The following TENM2 variants were observed in gnomAD, a reference collection of about 807,000 sequenced individuals.
TENM2 encodes teneurin transmembrane protein 2.
TENM2 carries 52 observed loss-of-function variants against 245.2 expected under a neutral mutation model. That is an observed-to-expected ratio of 0.21 (90% CI 0.17 to 0.27). The LOEUF (loss-of-function observed/expected upper bound fraction) is 0.27. Ranked by LOEUF, TENM2 falls within the 10% of genes least tolerant of loss-of-function variation. The pLI is 1.00. For synonymous variants in TENM2, 1,363 were observed against 1,438.9 expected (o/e 0.95, Z 1.19); for missense variants, 3,046 against 3,666.8 (o/e 0.83, Z 4.37).
intron 2 of TENM2, among the ~76,000 whole-genome samples, chr5:167,419,096 T>G (rs1763335096): frequency 6.7e-6 from 1 of 149,722 alleles, no homozygotes; most frequent in Admixed American, 6.7e-5. Context: ...ACTATATGTA[T>G]ATACACACAC....
At chr5:167,242,592 TGAAGA>T in the TENM2 span, among the ~76,000 whole-genome samples, 1 of 152,186 alleles carries the variant, frequency 6.6e-6, no homozygotes, top group Admixed American at 6.5e-5. Flanking sequence ...ATGATGAGGA[TGAAGA>T]CCTTTATGAT....
chr5:167,945,333 A>G (rs1247127431), intron 3 of TENM2, among the ~76,000 whole-genome samples: 1 of 152,176 alleles, frequency 6.6e-6, no homozygotes, highest in Non-Finnish European at 1.5e-5. Flanking sequence ...GGGGGGGCAC[A>G]GATACGTTAC....
At chr5:167,764,488 G>A (rs79213262) in intron 2 of TENM2, among the ~76,000 whole-genome samples, 7,548 of 152,238 alleles carry the variant, frequency 0.05, 627 homozygotes, top group African/African-American at 0.17. Context: ...TTCTCAAGAA[G>A]GAGACCTCTA....
At chr5:167,607,301 A>T (rs544106765) in intron 2 of TENM2, among the ~76,000 whole-genome samples, 1 of 152,294 alleles carries the variant, frequency 6.6e-6, no homozygotes, top group South Asian at 2.1e-4. Flanking sequence ...GCAGCTGTTT[A>T]CACTCATCCC....
chr5:167,375,615 G>C (rs1368001608), intron 2 of TENM2, 142 bp downstream of exon 4: 4 of 859,518 alleles, frequency 4.7e-6, no homozygotes, highest in Non-Finnish European at 7.1e-6. Flanking sequence ...GTGTGAGCTG[G>C]GGGGAAGTAA....
At chr5:167,926,758 AC>A (rs1777800043) in intron 3 of TENM2, among the ~76,000 whole-genome samples, 3 of 148,384 alleles carry the variant, frequency 2.0e-5, no homozygotes, top group African/African-American at 5.2e-5. Flanking sequence ...ACACACACAC[AC>A]ACACAAGACC....
At chr5:167,658,345 G>A (rs868650034) in intron 2 of TENM2, among the ~76,000 whole-genome samples, 19 of 151,892 alleles carry the variant, frequency 1.3e-4, no homozygotes, top group African/African-American at 2.7e-4. Flanking sequence ...AGTAGCTGGC[G>A]TTACAGGCAT....
intron 2 of TENM2, among the ~76,000 whole-genome samples, chr5:167,420,418 A>C (rs1763433965): frequency 6.6e-6 from 1 of 152,082 alleles, no homozygotes; most frequent in Admixed American, 6.6e-5. Context: ...AGTGGAGTGG[A>C]GTGGGCTTTA....
chr5:167,069,852 G>T, the TENM2 span, among the ~76,000 whole-genome samples: 433 of 121,744 alleles, frequency 3.6e-3, no homozygotes, highest in African/African-American at 0.014. Context: ...AGAAAATTTG[G>T]CATGTAAACT....
At chr5:168,215,233 G>A in exon 21 of TENM2, 1 of 1,613,920 alleles carries the variant, frequency 6.2e-7, no homozygotes, top group Non-Finnish European at 8.5e-7. Context: ...CTGCGGGGAT[G>A]GAGGGAAGGC....
At chr5:168,257,634 T>G (rs901815675) in intron 27 of TENM2, among the ~76,000 whole-genome samples, 4 of 137,528 alleles carry the variant, frequency 2.9e-5, no homozygotes, top group South Asian at 2.4e-4. Context: ...TTTTTTTTTT[T>G]GTGACGGAGT....
At chr5:167,255,249 T>C in the TENM2 span, among the ~76,000 whole-genome samples, 1 of 152,124 alleles carries the variant, frequency 6.6e-6, no homozygotes, top group South Asian at 2.1e-4. Flanking sequence ...TTGTGAACTC[T>C]TGAATGGCAA....
At chr5:167,032,525 G>T in the TENM2 span, among the ~76,000 whole-genome samples, 1 of 152,158 alleles carries the variant, frequency 6.6e-6, no homozygotes, top group Non-Finnish European at 1.5e-5. Flanking sequence ...AAGTCAGCTC[G>T]GAAGGTCACT....
intron 25 of TENM2, among the ~76,000 whole-genome samples, chr5:168,230,340 A>G (rs1764739809): frequency 6.6e-6 from 1 of 152,254 alleles, no homozygotes; most frequent in South Asian, 2.1e-4. Flanking sequence ...TAATTTGAAA[A>G]TGAGGGAGAA....
intron 2 of TENM2, among the ~76,000 whole-genome samples, chr5:167,499,063 C>T (rs1322469979): frequency 6.6e-6 from 1 of 152,144 alleles, no homozygotes; most frequent in Non-Finnish European, 1.5e-5. Context: ...CTTGCACTCT[C>T]TTCCTTCCCT....
At chr5:168,223,684 C>G (rs1227814129) in intron 23 of TENM2, among the ~76,000 whole-genome samples, 4 of 152,028 alleles carry the variant, frequency 2.6e-5, no homozygotes, top group African/African-American at 9.7e-5. Context: ...CCAAGATGGT[C>G]TCAGTCTCCT....
intron 12 of TENM2, among the ~76,000 whole-genome samples, chr5:168,128,217 C>T (rs541787525): frequency 7.9e-5 from 12 of 152,322 alleles, no homozygotes; most frequent in Non-Finnish European, 1.3e-4. Context: ...CTCTCGATGA[C>T]GCTCCAGGTC....
At chr5:167,481,157 A>G (rs774328934) in intron 2 of TENM2, among the ~76,000 whole-genome samples, 16 of 152,206 alleles carry the variant, frequency 1.1e-4, no homozygotes, top group Admixed American at 7.2e-4. Context: ...TAAAAAGGAT[A>G]TATAATTACA....
At chr5:167,278,774 T>C in the TENM2 span, among the ~76,000 whole-genome samples, 1 of 152,196 alleles carries the variant, frequency 6.6e-6, no homozygotes, top group Non-Finnish European at 1.5e-5. Flanking sequence ...TAGAATCATA[T>C]CCCAGAGTGT....
Sources: allele counts gnomAD v4.1 joint callset (sites outside exome capture counted in the v4.1 genomes callset), GRCh38; gene constraint gnomAD v4.1.1; transcripts MANE v1.5; gene names NCBI Gene and HGNC (gene_info 2026-07-23, HGNC 2026-07-21).